Variants in DLEC1 observed in about 807,000 individuals in gnomAD.
The protein encoded by DLEC1 is deleted in lung and esophageal cancer protein 1.
DLEC1 carries 146 observed loss-of-function variants against 198.1 expected under a neutral mutation model. The ratio of observed to expected loss-of-function variants is 0.74; its 90% CI spans 0.64 to 0.85. The LOEUF is 0.85. DLEC1 is among the 40% of genes least tolerant of loss of function. The pLI, the probability that DLEC1 is intolerant of heterozygous loss-of-function variation, is 0.00. For missense variants in DLEC1, 2,233 were observed against 2,220.0 expected, an observed-to-expected ratio of 1.01 and a Z score of -0.12; for synonymous variants, 897 against 866.8, an observed-to-expected ratio of 1.03 and a Z score of -0.61.
chr3:38,066,146 T>C (rs921596603), intron 6 of DLEC1, among the ~76,000 whole-genome samples: 11 of 152,250 alleles, frequency 7.2e-5, no homozygotes, highest in African/African-American at 2.7e-4. Flanking sequence ...TGATCAGTTA[T>C]GAATGGCATC....
At position 38,039,632 on chromosome 3, in the gene DLEC1, A is replaced by C. The variant is rs970136663; in HGVS notation, c.407A>C (p.Gln136Pro). The change falls in exon 1 of 37, where the codon CAG becomes CCG. Residue 136 changes from glutamine (Q) to proline (P), a missense_variant. Coordinates refer to ENST00000308059, the MANE Select transcript of DLEC1 (RefSeq NM_007335.4). ...ERHEEFVDQL[Q>P]QIRELYKQRL... ...CACGAGGAGTTCGTGGACCAGCTGC[A>C]GCAGGTAACGTGGCGGTGGCGTCGC... 2 of 1,598,636 alleles carry C rather than the reference A, an allele frequency of 1.3e-6. No individual in the cohort carries two copies. The highest frequency in any genetic ancestry group is 2.7e-5 in the African/African-American group (2 of 74,544).
chr3:38,100,451 T>C, intron 19 of DLEC1, 26 bp downstream of exon 19: 1 of 1,592,994 alleles, frequency 6.3e-7, no homozygotes, highest in Non-Finnish European at 8.5e-7. Context: ...GAAGAGCCAC[T>C]ACAACAAACT....
intron 25 of DLEC1, among the ~76,000 whole-genome samples, chr3:38,113,787 AAAG>A (rs1700007633): frequency 6.6e-6 from 1 of 152,152 alleles, no homozygotes; most frequent in South Asian, 2.1e-4. Context: ...GGTCTTCACA[AAAG>A]AAGTGTAGAC....
intron 6 of DLEC1, among the ~76,000 whole-genome samples, chr3:38,078,190 T>C (rs1697743230): frequency 6.6e-6 from 1 of 152,080 alleles, no homozygotes; most frequent in Non-Finnish European, 1.5e-5. Context: ...ATGGTAACTG[T>C]GGGACTTAAC....
chr3:38,112,071 G>A lies in DLEC1; in HGVS notation c.3515-139G>A, dbSNP rs1699913412. On this transcript the variant is annotated intron_variant, in intron 24 of 36. Coordinates refer to ENST00000308059, the MANE Select transcript of DLEC1 (RefSeq NM_007335.4). This position sits in a 1 kb window ranked among gnomAD's most constrained non-coding sequence, Gnocchi z 4.8. ...TTGCCTCTGGATTCCAGGCTCCCAGGAGGAGGGCACATGTAGCCTGACCAA... is the reference window on the plus strand; with the variant it reads ...TTGCCTCTGGATTCCAGGCTCCCAGAAGGAGGGCACATGTAGCCTGACCAA... The A allele has an allele frequency of 3.7e-6, 5 of 1,353,220 alleles. No individual in the cohort carries two copies. The highest frequency in any genetic ancestry group is 5.1e-6 in the Non-Finnish European group (5 of 975,928). The allele number at this position is 1,353,220 out of a possible 1,614,324, so 83.8% of individuals were successfully genotyped here. A position where few individuals can be genotyped will look rare whatever the true frequency, so the allele number is the denominator to read the frequency against.
In DLEC1 at chr3:38,117,971, G is replaced by A. The variant is rs199826507; in HGVS notation, c.4651G>A (p.Glu1551Lys). The A allele has an allele frequency of 1.9e-4, 308 of 1,613,726 alleles. 1 individual carries two copies. Among genetic ancestry groups the A allele is most frequent in the Non-Finnish European group, 2.5e-4 (290 of 1,179,862 alleles). The change falls in exon 33 of 37, where the codon GAG becomes AAG. Residue 1551 changes from glutamate (E) to lysine (K), a missense_variant. Transcript: ENST00000308059. ...GPGQKQECEE[E>K]TASADKQLVL... ...TGGCCAGAAGCAGGAGTGTGAGGAGGAGACAGCCTCAGCGGACAAGCAGCT... is the reference window on the plus strand; with the variant it reads ...TGGCCAGAAGCAGGAGTGTGAGGAGAAGACAGCCTCAGCGGACAAGCAGCT...
chr3:38,039,597 G>A lies in DLEC1; in HGVS notation c.372G>A (p.Glu124=), dbSNP rs1255594204. ...SASLIKARGS[E]NERHEEFVDQ... ...GCTTGATCAAGGCCCGCGGCAGCGA[G>A]AATGAGCGCCACGAGGAGTTCGTGG... The change falls in exon 1 of 37, where the codon GAG becomes GAA. Residue 124 remains glutamate, a synonymous_variant. Transcript: ENST00000308059. 6.2e-7 allele frequency: 1 copy of A among 1,610,752 alleles called. No individual in the cohort carries two copies. Among genetic ancestry groups the A allele is most frequent in the Non-Finnish European group, 8.5e-7 (1 of 1,178,010 alleles).
In DLEC1 at chr3:38,053,563, C is replaced by G. The variant is rs183710372; in HGVS notation, c.563-6179C>G. ...GAGCGTCTCCACCCGGCAGCTGCCCCGTCCGGGAGGTGGGGGGCAGCCCCC... is the reference window on the plus strand; with the variant it reads ...GAGCGTCTCCACCCGGCAGCTGCCCGGTCCGGGAGGTGGGGGGCAGCCCCC... On this transcript the variant is annotated intron_variant, in intron 2 of 36. Coordinates refer to ENST00000308059, the MANE Select transcript of DLEC1 (RefSeq NM_007335.4). Among the ~76,000 whole-genome samples the G allele has an allele frequency of 7.1e-3, 1,062 of 148,594 alleles. 10 individuals carry two copies. The highest frequency in any genetic ancestry group is 0.013 in the Non-Finnish European group (841 of 66,932).
At chr3:38,058,957 A>G (rs1696529313) in intron 2 of DLEC1, among the ~76,000 whole-genome samples, 1 of 152,158 alleles carries the variant, frequency 6.6e-6, no homozygotes, top group Non-Finnish European at 1.5e-5. Context: ...AAAGGTAGCC[A>G]TTGCTAGTTT....
intron 18 of DLEC1, among the ~76,000 whole-genome samples, chr3:38,098,246 G>A (rs751554329): frequency 1.3e-5 from 2 of 152,102 alleles, no homozygotes; most frequent in East Asian, 1.9e-4. Flanking sequence ...TGCTCCAGCC[G>A]CATTCCCACC....
chr3:38,123,303 C>A lies in DLEC1; in HGVS notation c.*891C>A. ...CACGGTGACAGATGCCCACTGCAGG[C>A]TAGTATCCCTTTCAAGGCTGGCCCT... On this transcript the variant is annotated 3_prime_UTR_variant, in exon 37 of 37. Transcript: ENST00000308059. 1 of 609,352 alleles carries A rather than the reference C, an allele frequency of 1.6e-6. No individual in the cohort carries two copies. Among genetic ancestry groups the A allele is most frequent in the Non-Finnish European group, 3.0e-6 (1 of 338,462 alleles). The allele number at this position is 609,352 out of a possible 1,614,324, so 37.7% of individuals were successfully genotyped here.
At position 38,117,823 on chromosome 3, in the gene DLEC1, G is replaced by A. The variant is rs752144383; in HGVS notation, c.4503G>A (p.Val1501=). Residue 1501 remains valine (V), a synonymous_variant, in exon 33 of 37, where the codon GTG becomes GTA. Coordinates refer to ENST00000308059, the MANE Select transcript of DLEC1 (RefSeq NM_007335.4). ...CTGCCCAGGTGCTGAGTGAGCTGGT[G>A]ACCACCCACCACCTGAAGCTGACCA... is the stretch of plus-strand genomic sequence containing the variant. ...QPCSGVLSEL[V]TTHHLKLTNT... The A allele has an allele frequency of 8.7e-6, 14 of 1,613,862 alleles. No homozygotes were observed. The highest frequency in any genetic ancestry group is 1.7e-5 in the Admixed American group (1 of 59,990).
At chr3:38,101,313 G>C (rs1699294076) in intron 19 of DLEC1, among the ~76,000 whole-genome samples, 1 of 152,086 alleles carries the variant, frequency 6.6e-6, no homozygotes, top group African/African-American at 2.4e-5. Flanking sequence ...AAATTAGCCA[G>C]GTATGGTGGT....
intron 2 of DLEC1, among the ~76,000 whole-genome samples, chr3:38,050,490 G>A (rs369916103): frequency 6.6e-4 from 101 of 152,222 alleles, no homozygotes; most frequent in African/African-American, 2.3e-3. Flanking sequence ...CCACTCATGG[G>A]GGAAGGCAAA....
intron 21 of DLEC1, among the ~76,000 whole-genome samples, chr3:38,108,879 A>T (rs888379119): frequency 6.6e-6 from 1 of 152,124 alleles, no homozygotes; most frequent in Non-Finnish European, 1.5e-5. Flanking sequence ...GCCAGGTACT[A>T]CCCAGGGAGG....
rs374134641 is a variant in DLEC1 at position 38,122,377 on chromosome 3, T to C, written c.5233T>C (p.Tyr1745His). ...CCTGCGGCTCCGGGGCCAAGGCTCC[T>C]ATGATGAGAGATACATGTTGCCTCA... Reference protein sequence around the residue: ...CTLRLRGQGSYDERYMLPHQP With the variant: ...CTLRLRGQGSHDERYMLPHQP The change falls in exon 37 of 37, where the codon TAT (tyrosine) becomes CAT (histidine). Residue 1745 changes from tyrosine (Y) to histidine (H), a missense_variant. Coordinates refer to ENST00000308059, the MANE Select transcript of DLEC1 (RefSeq NM_007335.4). 3.1e-6 allele frequency: 5 copies of C among 1,614,050 alleles called. No homozygotes were observed. In the Admixed American group the frequency reaches 6.7e-5, roughly 22 times the overall value.
At chr3:38,099,130 A>AC (rs1699177801) in intron 18 of DLEC1, among the ~76,000 whole-genome samples, 2 of 151,804 alleles carry the variant, frequency 1.3e-5, no homozygotes, top group South Asian at 2.1e-4. Context: ...CCACCCAGAG[A>AC]CCCCCTTGTT....
rs531874453 is a variant in DLEC1 at position 38,122,862 on chromosome 3, C to T, written c.*450C>T. 5.2e-6 allele frequency: 4 copies of T among 775,632 alleles called. No individual in the cohort carries two copies. The highest frequency in any genetic ancestry group is 2.7e-5 in the East Asian group (1 of 36,786). 48.0% of individuals were successfully genotyped at this position (775,632 alleles called of 1,614,324 possible). Reference sequence around the variant, plus strand: ...GAGGGTCTGATGGGTGGCTCAACACCCCACCCACTCCTATACCATGTCATC... The same window carrying T: ...GAGGGTCTGATGGGTGGCTCAACACTCCACCCACTCCTATACCATGTCATC... On this transcript the variant is annotated 3_prime_UTR_variant, in exon 37 of 37. Coordinates refer to ENST00000308059, the MANE Select transcript of DLEC1 (RefSeq NM_007335.4).
intron 10 of DLEC1, among the ~76,000 whole-genome samples, chr3:38,091,816 A>G (rs541084932): frequency 2.0e-5 from 3 of 152,288 alleles, no homozygotes; most frequent in Admixed American, 2.0e-4. Flanking sequence ...CCCACCTGAC[A>G]CCCGTTAGAA....
Sources: gnomAD v4.1 joint callset for allele counts (sites outside exome capture counted in the v4.1 genomes callset) on GRCh38, gnomAD v4.1.1 for gene constraint, Gnocchi (gnomAD v3.1) non-coding constraint, MANE v1.5 for transcripts, NCBI Gene and HGNC (gene_info 2026-07-23, HGNC 2026-07-21) for gene names.